NR4A1: variants seen among roughly 807,000 people sequenced by gnomAD.
NR4A1 encodes nuclear receptor subfamily 4 group A member 1.
NR4A1 carries 24 observed loss-of-function variants against 47.5 expected under a neutral mutation model. That is an observed-to-expected ratio of 0.50 (90% CI 0.37 to 0.71). NR4A1 has a LOEUF of 0.71. Among genes scored for constraint, NR4A1 ranks in the 30% least tolerant of loss-of-function variants. The pLI is 0.00. For missense variants in NR4A1, 669 were observed against 788.6 expected (o/e 0.85, Z 1.82); for synonymous variants, 353 against 345.7 (o/e 1.02, Z -0.24).
upstream of NR4A1, among the ~76,000 whole-genome samples, chr12:52,051,117 CG>C (rs1186544803): frequency 6.6e-6 from 1 of 152,182 alleles, no homozygotes; most frequent in African/African-American, 2.4e-5. Context: ...GAGTCCGGTG[CG>C]GGGAGCCTAG....
At chr12:52,044,625 T>C (rs766344440) in intron 2 of NR4A1, among the ~76,000 whole-genome samples, 2 of 152,220 alleles carry the variant, frequency 1.3e-5, no homozygotes, top group Non-Finnish European at 2.9e-5. Flanking sequence ...ACTTTAACAA[T>C]AGGAAAGTGC....
intron 1 of NR4A1, among the ~76,000 whole-genome samples, chr12:52,027,324 A>C (rs985957904): frequency 6.6e-6 from 1 of 152,270 alleles, no homozygotes; most frequent in Non-Finnish European, 1.5e-5. Flanking sequence ...GCCTGCCAGC[A>C]GCTCGGGTTA....
chr12:52,037,673 CGAGGGGCGCTG>C, intron 1 of NR4A1: 1 of 985,394 alleles, frequency 1.0e-6, no homozygotes, highest in Non-Finnish European at 1.2e-6. Flanking sequence ...GTTTGGCCCA[CGAGGGGCGCTG>C]GAGGTGGCCA....
chr12:52,029,434 A>G (rs893831407), intron 1 of NR4A1, among the ~76,000 whole-genome samples: 4 of 152,164 alleles, frequency 2.6e-5, no homozygotes, highest in Non-Finnish European at 5.9e-5. Flanking sequence ...CACACCTGTA[A>G]TCCAACATTT....
In NR4A1 at chr12:52,035,376, A is replaced by G. The variant is rs557761104; in HGVS notation, c.-83-6434A>G. ...GTGGGCTGGAAGCCTTCATGGAAAAACTGGTAACTGAGCCCTTTTTTTCCC... is the reference window on the plus strand; with the variant it reads ...GTGGGCTGGAAGCCTTCATGGAAAAGCTGGTAACTGAGCCCTTTTTTTCCC... On this transcript the variant is annotated intron_variant, in intron 1 of 7. Transcript: ENST00000360284. Among the ~76,000 whole-genome samples, 13 of 152,224 alleles carry G rather than the reference A, an allele frequency of 8.5e-5. No individual in the cohort carries two copies. The South Asian group carries it at 2.5e-3, about 29-fold the overall frequency.
At chr12:52,052,624 C>T (rs1474961962) in intron 1 of NR4A1, 1 of 985,576 alleles carries the variant, frequency 1.0e-6, no homozygotes. Context: ...TGGGACTGCT[C>T]CCCCCTCCTG....
intron 2 of NR4A1, 169 bp from the exon 3 acceptor site, chr12:52,055,861 G>A (rs115603496): frequency 2.7e-5 from 7 of 256,932 alleles, no homozygotes; most frequent in East Asian, 7.2e-5. Flanking sequence ...CTCTCCCCCC[G>A]CCCAACCCCG....
chr12:52,026,651 T>C (rs961448639), intron 1 of NR4A1, among the ~76,000 whole-genome samples: 7 of 152,234 alleles, frequency 4.6e-5, no homozygotes, highest in African/African-American at 1.4e-4. Flanking sequence ...GAATGTGCTC[T>C]TAAAGCCCCA....
At position 52,055,171 on chromosome 12, in the gene NR4A1, C is replaced by T. The variant is rs763848128; in HGVS notation, c.843C>T (p.Val281=). 2.0e-5 allele frequency: 33 copies of T among 1,613,736 alleles called. 1 individual carries two copies. In the South Asian group the frequency reaches 3.5e-4, roughly 17 times the overall value. The change falls in exon 2 of 7, where the codon GTC becomes GTT. Residue 281 remains valine, a synonymous_variant. Transcript: ENST00000394825. ...GDNASCQHYG[V]RTCEGCKGFF... ...ACGCTTCATGCCAGCATTATGGTGT[C>T]CGCACATGTGAGGGCTGCAAGGGCT...
At chr12:52,041,993 G>T (rs1172319370) in intron 2 of NR4A1, 22 of 1,264,340 alleles carry the variant, frequency 1.7e-5, no homozygotes, top group Non-Finnish European at 2.0e-5. Flanking sequence ...GGCAGAGGTG[G>T]GGGTGGAGCT....
chr12:52,027,432 G>C (rs1375591373), intron 1 of NR4A1, among the ~76,000 whole-genome samples: 1 of 152,224 alleles, frequency 6.6e-6, no homozygotes, highest in Non-Finnish European at 1.5e-5. Context: ...CCCGCAGGAT[G>C]GTCCCTCTCC....
intron 1 of NR4A1, among the ~76,000 whole-genome samples, chr12:52,032,460 A>G (rs552547325): frequency 4.0e-4 from 61 of 152,312 alleles, no homozygotes; most frequent in South Asian, 1.2e-3. Flanking sequence ...AATGCCTCAT[A>G]ATAAATCTTT....
At chr12:52,025,877 T>G (rs531894610) in intron 1 of NR4A1, among the ~76,000 whole-genome samples, 7 of 152,172 alleles carry the variant, frequency 4.6e-5, no homozygotes, top group Non-Finnish European at 1.0e-4. Context: ...GGGATCCTGC[T>G]GGGATGGGAG....
chr12:52,044,281 GC>G (rs879272554), intron 2 of NR4A1, among the ~76,000 whole-genome samples: 43 of 152,356 alleles, frequency 2.8e-4, no homozygotes, highest in Non-Finnish European at 5.1e-4. Flanking sequence ...GGGCCCCTGA[GC>G]CCCCACTAGT....
intron 1 of NR4A1, among the ~76,000 whole-genome samples, chr12:52,052,268 CGTGTGTGTGTGTGTGT>C (rs60552358): frequency 3.8e-5 from 5 of 129,920 alleles, no homozygotes; most frequent in African/African-American, 6.4e-5. Flanking sequence ...GCTTGGATCA[CGTGTGTGTGTGTGTGT>C]GTGTGTGTGT....
chr12:52,023,339 C>G (rs2120888720), intron 1 of NR4A1, among the ~76,000 whole-genome samples: 1 of 152,264 alleles, frequency 6.6e-6, no homozygotes, highest in African/African-American at 2.4e-5. Context: ...GGTTGAGCTG[C>G]AGAGGCGAGC....
At position 52,054,655 on chromosome 12, in the gene NR4A1, C is replaced by T. The variant is rs1019740553; in HGVS notation, c.327C>T (p.Tyr109=). The T allele has an allele frequency of 9.9e-6, 16 of 1,613,984 alleles. No individual in the cohort carries two copies. The highest frequency in any genetic ancestry group is 4.4e-5 in the South Asian group (4 of 91,090). The change falls in exon 2 of 7, where the codon TAC becomes TAT. Residue 109 remains tyrosine (Y), a synonymous_variant. Transcript: ENST00000394825. ...ASFKFEDFQV[Y]GCYPGPLSGP... ...TCAAGTTCGAGGACTTCCAGGTGTA[C>T]GGCTGCTACCCCGGCCCCCTGAGCG... is the stretch of plus-strand genomic sequence containing the variant.
At position 52,034,278 on chromosome 12, in the gene NR4A1, G is replaced by C. The variant is rs149035562; in HGVS notation, c.-83-7532G>C. 1.4e-4 allele frequency among the ~76,000 whole-genome samples: 22 copies of C among 152,344 alleles called. 1 individual carries two copies. The highest frequency in any genetic ancestry group is 2.5e-4 in the Non-Finnish European group (17 of 68,034). Reference sequence around the variant, plus strand: ...TCCTCTAGATTCTACCCCAATGCCAGCTCAAGGCTTCTTGGAGGCCACTTC... The same window carrying C: ...TCCTCTAGATTCTACCCCAATGCCACCTCAAGGCTTCTTGGAGGCCACTTC... On this transcript the variant is annotated intron_variant, in intron 1 of 7. Transcript: ENST00000360284.
chr12:52,047,788 C>T (rs1399890338), upstream of NR4A1, among the ~76,000 whole-genome samples: 1 of 152,224 alleles, frequency 6.6e-6, no homozygotes, highest in Non-Finnish European at 1.5e-5. Context: ...GTCTGTGCCA[C>T]TTTTTACAAA....
Sources: allele counts gnomAD v4.1 joint callset (sites outside exome capture counted in the v4.1 genomes callset), GRCh38; gene constraint gnomAD v4.1.1; transcripts MANE v1.5; gene names NCBI Gene and HGNC (gene_info 2026-07-23, HGNC 2026-07-21).